ZFAND3: variants seen among roughly 807,000 people sequenced by gnomAD.
ZFAND3 encodes zinc finger AN1-type containing 3, also known as AN1-type zinc finger protein 3.
Under a neutral mutation model 29.6 loss-of-function variants are expected in ZFAND3, and 10 were observed. The observed-to-expected ratio is 0.34, with a 90% CI of 0.21 to 0.57. The LOEUF (loss-of-function observed/expected upper bound fraction) is 0.57. Among genes scored for constraint, ZFAND3 ranks in the 20% least tolerant of loss-of-function variants. The pLI is 0.86. For missense variants in ZFAND3, 230 were observed against 304.5 expected (o/e 0.76, Z 1.82); for synonymous variants, 128 against 112.6 (o/e 1.14, Z -0.87).
At chr6:37,872,098 A>G (rs1259204779) in intron 1 of ZFAND3, among the ~76,000 whole-genome samples, 2 of 152,190 alleles carry the variant, frequency 1.3e-5, no homozygotes, top group African/African-American at 4.8e-5. Flanking sequence ...CACCTGATAG[A>G]ATCACTCTGA....
At chr6:38,105,809 G>T (rs1384888707) in intron 4 of ZFAND3, among the ~76,000 whole-genome samples, 1 of 152,140 alleles carries the variant, frequency 6.6e-6, no homozygotes, top group Non-Finnish European at 1.5e-5. Flanking sequence ...AAGAAAATGG[G>T]CTCGGAACAT....
chr6:38,073,350 A>G (rs1397093485), intron 3 of ZFAND3, among the ~76,000 whole-genome samples: 1 of 152,068 alleles, frequency 6.6e-6, no homozygotes, highest in Admixed American at 6.5e-5. Context: ...AAAAAAAAAA[A>G]AAGCTCTTCC....
intron 1 of ZFAND3, among the ~76,000 whole-genome samples, chr6:37,895,490 A>G (rs1441410616): frequency 1.4e-5 from 1 of 71,084 alleles, no homozygotes; most frequent in African/African-American, 5.5e-5. Flanking sequence ...TTTATCTTAT[A>G]TGTCTAGACT....
At chr6:37,989,143 G>C (rs1275392905) in intron 2 of ZFAND3, among the ~76,000 whole-genome samples, 1 of 152,140 alleles carries the variant, frequency 6.6e-6, no homozygotes, top group Non-Finnish European at 1.5e-5. Flanking sequence ...CCTGACCTAA[G>C]GTGACCTGCC....
intron 4 of ZFAND3, among the ~76,000 whole-genome samples, chr6:38,112,176 A>G (rs1765333524): frequency 6.6e-6 from 1 of 152,184 alleles, no homozygotes; most frequent in South Asian, 2.1e-4. Context: ...AAACATTGGC[A>G]GAGAAAGCAG....
intron 1 of ZFAND3, among the ~76,000 whole-genome samples, chr6:37,881,678 A>G (rs1053524232): frequency 2.0e-5 from 3 of 152,180 alleles, no homozygotes; most frequent in Non-Finnish European, 4.4e-5. Flanking sequence ...TGAACATAAC[A>G]ATAGAGCACT....
chr6:37,866,249 G>A (rs544570978), intron 1 of ZFAND3, among the ~76,000 whole-genome samples: 15 of 152,160 alleles, frequency 9.9e-5, no homozygotes, highest in Admixed American at 7.2e-4. Context: ...TGTTAGAATG[G>A]GATTAGGTGA....
chr6:38,041,786 CT>C (rs1465457561), intron 2 of ZFAND3, among the ~76,000 whole-genome samples: 89 of 3,618 alleles, frequency 0.025, 39 homozygotes, highest in African/African-American at 0.031. Flanking sequence ...TCCTCCTCTT[CT>C]TTCTTCTTCT....
At chr6:37,963,719 C>A (rs1055515978) in intron 2 of ZFAND3, among the ~76,000 whole-genome samples, 1 of 152,158 alleles carries the variant, frequency 6.6e-6, no homozygotes, top group East Asian at 1.9e-4. Flanking sequence ...TAGAAGCCTT[C>A]TTTCCTCCTT....
rs1489609521 is a variant in ZFAND3, at chr6:38,126,786, AATAT to A, written c.529+10048_529+10051del. On this transcript the variant is annotated intron_variant, in intron 5 of 5. Coordinates refer to ENST00000287218, the MANE Select transcript of ZFAND3 (RefSeq NM_021943.3). ...TGCCATCTTAATATTGTAACTCATC[AATAT>A]GATATGTCTCTCTATTTAGGTGTTT... 2.0e-5 allele frequency among the ~76,000 whole-genome samples: 3 copies of A among 151,708 alleles called. No homozygotes were observed. The East Asian group carries it at 6.1e-4, about 31-fold the overall frequency.
At chr6:38,104,973 C>G (rs1166464047) in intron 4 of ZFAND3, among the ~76,000 whole-genome samples, 25 of 152,200 alleles carry the variant, frequency 1.6e-4, no homozygotes. Flanking sequence ...AGAGCAAGGA[C>G]TCTAGGCCAG....
Position 38,093,177 on chromosome 6 carries a change from A to G in ZFAND3, c.361+10720A>G, listed in dbSNP as rs184342832. On this transcript the variant is annotated intron_variant, in intron 4 of 5. Coordinates refer to ENST00000287218, the MANE Select transcript of ZFAND3 (RefSeq NM_021943.3). ...TGACTTGCCAAAAAAACCAGTTCCT[A>G]CTGATTTATTCAGGAATGTTCTGTG... Among the ~76,000 whole-genome samples, 46 of 152,336 alleles carry G rather than the reference A, an allele frequency of 3.0e-4. No homozygotes were observed. In the East Asian group the frequency reaches 8.5e-3, roughly 28 times the overall value.
intron 2 of ZFAND3, among the ~76,000 whole-genome samples, chr6:38,000,776 A>T (rs1322484785): frequency 6.6e-6 from 1 of 152,190 alleles, no homozygotes; most frequent in African/African-American, 2.4e-5. Flanking sequence ...ACAAAAAGAA[A>T]AGATATCAGA....
chr6:38,093,617 G>A (rs114291111), intron 4 of ZFAND3, among the ~76,000 whole-genome samples: 5,489 of 152,220 alleles, frequency 0.036, 143 homozygotes, highest in Non-Finnish European at 0.056. Context: ...CATGAAAGAT[G>A]CATGAGAAGA....
At chr6:37,991,598 C>G (rs553945827) in intron 2 of ZFAND3, among the ~76,000 whole-genome samples, 42 of 152,162 alleles carry the variant, frequency 2.8e-4, no homozygotes, top group Non-Finnish European at 5.1e-4. Context: ...GGTGAGCCAC[C>G]TGTCTTGGCC....
intron 1 of ZFAND3, among the ~76,000 whole-genome samples, chr6:37,899,608 C>G (rs1305230342): frequency 6.6e-6 from 1 of 152,170 alleles, no homozygotes; most frequent in Non-Finnish European, 1.5e-5. Flanking sequence ...GAAATAAGCA[C>G]TGTTTAAATA....
chr6:38,004,997 A>G (rs1184088232), intron 2 of ZFAND3, among the ~76,000 whole-genome samples: 4 of 152,192 alleles, frequency 2.6e-5, no homozygotes, highest in Non-Finnish European at 5.9e-5. Flanking sequence ...TGACATCACA[A>G]ATTCATGCAG....
At chr6:38,056,673 C>A (rs1389660235) in intron 2 of ZFAND3, among the ~76,000 whole-genome samples, 1 of 152,208 alleles carries the variant, frequency 6.6e-6, no homozygotes, top group African/African-American at 2.4e-5. Context: ...TGTGAAAAAT[C>A]ATTCTGAAAA....
chr6:37,836,682 C>T (rs760205803), intron 1 of ZFAND3, among the ~76,000 whole-genome samples: 40 of 152,118 alleles, frequency 2.6e-4, no homozygotes, highest in African/African-American at 6.5e-4. Context: ...AAATGAACAT[C>T]TTTCATTAAT....
Sources: allele counts gnomAD v4.1 joint callset (sites outside exome capture counted in the v4.1 genomes callset), GRCh38; gene constraint gnomAD v4.1.1; transcripts MANE v1.5; gene names NCBI Gene and HGNC (gene_info 2026-07-23, HGNC 2026-07-21).